MSH4: variants seen among roughly 807,000 people sequenced by gnomAD.
MSH4 encodes the protein mutS homolog 4.
Under a neutral mutation model 113.7 loss-of-function variants are expected in MSH4, and 106 were observed. The ratio of observed to expected loss-of-function variants is 0.93; its 90% CI spans 0.80 to 1.10. The LOEUF (loss-of-function observed/expected upper bound fraction) is 1.10. MSH4 is among the 50% of genes least tolerant of loss of function. MSH4 has a pLI of 0.00. For missense variants in MSH4, 1,061 were observed against 1,093.7 expected (o/e 0.97, Z 0.42); for synonymous variants, 368 against 380.2 (o/e 0.97, Z 0.37).
At chr1:75,836,466 T>G (rs1432962365) in intron 7 of MSH4, among the ~76,000 whole-genome samples, 1 of 152,058 alleles carries the variant, frequency 6.6e-6, no homozygotes, top group East Asian at 1.9e-4. Flanking sequence ...ACTTAGCTAA[T>G]TTTTATGTTT....
At chr1:75,879,252 T>G in intron 12 of MSH4, 124 bp downstream of exon 12, 1 of 783,424 alleles carries the variant, frequency 1.3e-6, no homozygotes, top group Non-Finnish European at 2.1e-6. Context: ...CTCCTATTCC[T>G]ACCCACCCAC....
At chr1:75,811,012 C>G (rs1289295259) in intron 4 of MSH4, among the ~76,000 whole-genome samples, 1 of 152,134 alleles carries the variant, frequency 6.6e-6, no homozygotes, top group Non-Finnish European at 1.5e-5. Context: ...GCTGGGACTA[C>G]AGGCGTGTGT....
At chr1:75,899,407 T>C (rs903289360) in intron 18 of MSH4, among the ~76,000 whole-genome samples, 1 of 152,204 alleles carries the variant, frequency 6.6e-6, no homozygotes, top group Non-Finnish European at 1.5e-5. Context: ...TAATTTGCCC[T>C]ATGTGTCTTG....
At chr1:75,834,913 A>T (rs938154447) in intron 7 of MSH4, among the ~76,000 whole-genome samples, 1 of 152,244 alleles carries the variant, frequency 6.6e-6, no homozygotes, top group Non-Finnish European at 1.5e-5. Context: ...CCTAGAACTT[A>T]AAGTATAATA....
At position 75,878,188 on chromosome 1, in the gene MSH4, T is replaced by A. The variant is rs1651855799; in HGVS notation, c.1410T>A (p.Asn470Lys). Residue 470 changes from asparagine to lysine, a missense_variant, in exon 11 of 20, where the codon AAT (asparagine) becomes AAA (lysine). Physicochemically the swap from Asn to Lys is moderately conservative, Grantham distance 94. Coordinates refer to ENST00000263187, the MANE Select transcript of MSH4 (RefSeq NM_002440.4). ...TTGAAAAGATTAAAACAGTAATTAATGATGATGCAAGATACATGAAAGGAT... is the reference window on the plus strand; with the variant it reads ...TTGAAAAGATTAAAACAGTAATTAAAGATGATGCAAGATACATGAAAGGAT... The part of the protein sequence containing the change: ...IILEKIKTVI[N>K]DDARYMKGCL... The A allele has an allele frequency of 1.9e-6, 3 of 1,606,696 alleles. No homozygotes were observed. Among genetic ancestry groups the A allele is most frequent in the Non-Finnish European group, 1.7e-6 (2 of 1,177,664 alleles).
At chr1:75,836,343 G>A (rs1490159197) in intron 7 of MSH4, among the ~76,000 whole-genome samples, 3 of 134,036 alleles carry the variant, frequency 2.2e-5, no homozygotes. Flanking sequence ...CTGTTGCCTA[G>A]GCTGGAGTGT....
rs182418485 is a variant in MSH4 at position 75,840,819 on chromosome 1, A to T, written c.1163-7390A>T. Among the ~76,000 whole-genome samples, 3 of 152,296 alleles carry T rather than the reference A, an allele frequency of 2.0e-5. No individual in the cohort carries two copies. The South Asian group carries it at 6.2e-4, about 32-fold the overall frequency. On this transcript the variant is annotated intron_variant, in intron 7 of 19. Coordinates refer to ENST00000263187, the MANE Select transcript of MSH4 (RefSeq NM_002440.4). Reference sequence around the variant, plus strand: ...CTATATCTGTCCTCAAGGACCTCACATCCATGTTCGGGCAACAGAACTCTA... The same window carrying T: ...CTATATCTGTCCTCAAGGACCTCACTTCCATGTTCGGGCAACAGAACTCTA...
At chr1:75,862,060 G>A (rs1022175361) in intron 8 of MSH4, among the ~76,000 whole-genome samples, 3 of 152,124 alleles carry the variant, frequency 2.0e-5, no homozygotes, top group African/African-American at 7.2e-5. Flanking sequence ...GAGCTACCAG[G>A]GAGGAGGTCT....
chr1:75,798,558 A>C (rs1341732365), intron 1 of MSH4, among the ~76,000 whole-genome samples: 13 of 85,286 alleles, frequency 1.5e-4, no homozygotes, highest in Non-Finnish European at 2.4e-4. Flanking sequence ...TCCTCTCTGC[A>C]CTTTTTTTTT....
intron 8 of MSH4, among the ~76,000 whole-genome samples, chr1:75,861,131 T>G (rs1341756546): frequency 6.6e-6 from 1 of 151,422 alleles, no homozygotes; most frequent in Non-Finnish European, 1.5e-5. Context: ...TAAGCTCTTC[T>G]CTACATGGTT....
chr1:75,864,913 A>T (rs1016436731), intron 8 of MSH4, among the ~76,000 whole-genome samples: 1 of 152,190 alleles, frequency 6.6e-6, no homozygotes. Context: ...TTCTCTGGCC[A>T]TAAGAGAGGC....
chr1:75,894,220 G>C (rs1042552413), intron 17 of MSH4, among the ~76,000 whole-genome samples: 1 of 152,126 alleles, frequency 6.6e-6, no homozygotes, highest in East Asian at 1.9e-4. Context: ...GGGTGGTAGG[G>C]GCCAAGTTGT....
At chr1:75,802,621 C>T (rs968819221) in intron 1 of MSH4, among the ~76,000 whole-genome samples, 2 of 152,008 alleles carry the variant, frequency 1.3e-5, no homozygotes, top group African/African-American at 2.4e-5. Context: ...GAACTGAAGC[C>T]AATTGAGTCT....
chr1:75,815,359 ACACAAGG>A (rs530387071), intron 5 of MSH4, among the ~76,000 whole-genome samples: 148 of 152,322 alleles, frequency 9.7e-4, no homozygotes, highest in African/African-American at 3.4e-3. Context: ...TAAAATTTAT[ACACAAGG>A]CATATATTGC....
intron 14 of MSH4, among the ~76,000 whole-genome samples, chr1:75,881,941 T>C (rs975858551): frequency 6.6e-6 from 1 of 152,116 alleles, no homozygotes; most frequent in Non-Finnish European, 1.5e-5. Flanking sequence ...TACTCCAGTA[T>C]GCAAATTTAC....
At chr1:75,838,903 A>G (rs906077650) in intron 7 of MSH4, among the ~76,000 whole-genome samples, 24 of 152,086 alleles carry the variant, frequency 1.6e-4, no homozygotes, top group Non-Finnish European at 1.6e-4. Flanking sequence ...TCTTTAATAC[A>G]TGTTTCCTGT....
intron 19 of MSH4, among the ~76,000 whole-genome samples, chr1:75,906,298 A>G (rs1652628499): frequency 2.7e-5 from 4 of 148,504 alleles, no homozygotes; most frequent in Admixed American, 1.4e-4. Flanking sequence ...ATTTACATTC[A>G]ATACTATTAC....
intron 3 of MSH4, among the ~76,000 whole-genome samples, chr1:75,809,108 C>T (rs1167544655): frequency 6.6e-6 from 1 of 151,864 alleles, no homozygotes; most frequent in East Asian, 1.9e-4. Flanking sequence ...GCTCTGTTAC[C>T]CAAGCTAGTC....
intron 7 of MSH4, among the ~76,000 whole-genome samples, chr1:75,824,422 T>A (rs544555974): frequency 6.6e-6 from 1 of 152,334 alleles, no homozygotes; most frequent in Non-Finnish European, 1.5e-5. Flanking sequence ...TTCTGTAGGT[T>A]GCCTTTTCAC....
Sources: gnomAD v4.1 joint callset for allele counts (sites outside exome capture counted in the v4.1 genomes callset) on GRCh38, gnomAD v4.1.1 for gene constraint, MANE v1.5 for transcripts, NCBI Gene and HGNC (gene_info 2026-07-23, HGNC 2026-07-21) for gene names.